The following NUP98 variants were observed in gnomAD, a reference collection of about 807,000 sequenced individuals.
The protein encoded by NUP98 is nuclear pore complex protein Nup98-Nup96.
NUP98 carries 26 observed loss-of-function variants against 191.9 expected under a neutral mutation model. That is an observed-to-expected ratio of 0.14 (90% confidence interval 0.10 to 0.19). The LOEUF (loss-of-function observed/expected upper bound fraction) is 0.19. Ranked by LOEUF, NUP98 falls within the 10% of genes least tolerant of loss-of-function variation. NUP98 has a pLI of 1.00. For synonymous variants in NUP98, 808 were observed against 778.4 expected (o/e 1.04, Z -0.63); for missense variants, 1,941 against 2,178.8 (o/e 0.89, Z 2.17).
At chr11:3,714,030 AG>A (rs2079099053) in intron 18 of NUP98, 35 bp from the exon 19 acceptor site, 2 of 1,602,072 alleles carry the variant, frequency 1.2e-6, no homozygotes, top group African/African-American at 1.3e-5. Context: ...AACCAATTAA[AG>A]TAAAAGCGCT....
chr11:3,760,124 A>AC (rs796785416), intron 10 of NUP98: 15 of 177,088 alleles, frequency 8.5e-5, no homozygotes, highest in African/African-American at 1.9e-4. Flanking sequence ...AAAAAAAAAA[A>AC]AAAAACAAAA....
At chr11:3,792,178 C>CAAAAAAAA (rs61471948) in intron 1 of NUP98, among the ~76,000 whole-genome samples, 7 of 58,852 alleles carry the variant, frequency 1.2e-4, no homozygotes, top group Non-Finnish European at 1.5e-4. Flanking sequence ...AACTCCATCT[C>CAAAAAAAA]AAAAAAAAAA....
Position 3,797,552 on chromosome 11 carries a change from T to G in NUP98, c.-181A>C. 2 of 482,766 alleles carry G rather than the reference T, an allele frequency of 4.1e-6. No homozygotes were observed. Among genetic ancestry groups the G allele is most frequent in the Non-Finnish European group, 7.3e-6 (2 of 275,710 alleles). The allele number at this position is 482,766 out of a possible 1,614,324, so 29.9% of individuals were successfully genotyped here. Reference sequence around the variant, plus strand: ...GGGCGCAGCGCGCAGAGGGCCCGACTGCGTCACACGCCGCCCGGCGTCAGA... The same window carrying G: ...GGGCGCAGCGCGCAGAGGGCCCGACGGCGTCACACGCCGCCCGGCGTCAGA... On this transcript the variant is annotated 5_prime_UTR_variant, in exon 1 of 33. Coordinates refer to ENST00000324932, the MANE Select transcript of NUP98 (RefSeq NM_016320.5).
intron 31 of NUP98, chr11:3,676,848 G>A: frequency 1.6e-6 from 1 of 628,550 alleles, no homozygotes; most frequent in Non-Finnish European, 2.9e-6. Context: ...ACTAGGAAAA[G>A]TCTTGAGATC....
chr11:3,718,900 A>C (rs577465913), intron 18 of NUP98, among the ~76,000 whole-genome samples: 1 of 152,160 alleles, frequency 6.6e-6, no homozygotes, highest in South Asian at 2.1e-4. Context: ...TGGGAGGATC[A>C]CTTGAAATCA....
chr11:3,723,098 C>A, intron 16 of NUP98, 59 bp downstream of exon 16: 1 of 1,513,280 alleles, frequency 6.6e-7, no homozygotes, highest in Non-Finnish European at 9.1e-7. Context: ...ATATCTGCAA[C>A]AAGCAAGTCA....
At chr11:3,682,337 T>C (rs1035416632) in intron 30 of NUP98, among the ~76,000 whole-genome samples, 6 of 152,256 alleles carry the variant, frequency 3.9e-5, no homozygotes, top group African/African-American at 1.4e-4. Flanking sequence ...AAGAGGCTTA[T>C]CTTTTGTCCT....
intron 4 of NUP98, among the ~76,000 whole-genome samples, chr11:3,777,475 G>A (rs2081775405): frequency 6.6e-6 from 1 of 151,902 alleles, no homozygotes; most frequent in African/African-American, 2.4e-5. Flanking sequence ...ACAAAAATTA[G>A]CCAGGCGTGA....
chr11:3,693,561 A>C (rs1010971707), intron 26 of NUP98, among the ~76,000 whole-genome samples, 186 bp from the exon 27 acceptor site: 1 of 152,212 alleles, frequency 6.6e-6, no homozygotes, highest in Non-Finnish European at 1.5e-5. Flanking sequence ...TTTATTGACC[A>C]ACTGATTGAT....
chr11:3,691,755 T>C (rs1376337409), intron 27 of NUP98, among the ~76,000 whole-genome samples: 1 of 152,194 alleles, frequency 6.6e-6, no homozygotes, highest in African/African-American at 2.4e-5. Flanking sequence ...TGTTTTGCCA[T>C]GTTGGCCAGG....
intron 7 of NUP98, among the ~76,000 whole-genome samples, 191 bp downstream of exon 7, chr11:3,771,557 T>C (rs1236018094): frequency 6.6e-6 from 1 of 152,198 alleles, no homozygotes; most frequent in Non-Finnish European, 1.5e-5. Context: ...CTCTGAAGCA[T>C]TCCTTAGTCG....
intron 1 of NUP98, among the ~76,000 whole-genome samples, chr11:3,788,499 G>C (rs904902222): frequency 1.3e-5 from 2 of 152,146 alleles, no homozygotes; most frequent in African/African-American, 4.8e-5. Flanking sequence ...GCTGAGGCAG[G>C]AGAACTGCTT....
chr11:3,734,132 T>C (rs1193798396), intron 13 of NUP98, among the ~76,000 whole-genome samples: 1 of 151,956 alleles, frequency 6.6e-6, no homozygotes, highest in African/African-American at 2.4e-5. Context: ...GCCTCCCAGG[T>C]ACAAGCAATT....
intron 20 of NUP98, chr11:3,711,803 G>A (rs991690713): frequency 1.2e-4 from 117 of 999,060 alleles, no homozygotes; most frequent in Middle Eastern, 4.7e-4. Context: ...CCCTGTACGC[G>A]CAAACATGTA....
At chr11:3,783,020 G>GT (rs1375642719) in intron 1 of NUP98, among the ~76,000 whole-genome samples, 1 of 152,106 alleles carries the variant, frequency 6.6e-6, no homozygotes, top group Non-Finnish European at 1.5e-5. Flanking sequence ...TTGAGATTAC[G>GT]TTTTAAGACT....
At chr11:3,714,443 A>C (rs576218133) in intron 18 of NUP98, among the ~76,000 whole-genome samples, 2 of 152,340 alleles carry the variant, frequency 1.3e-5, no homozygotes, top group East Asian at 3.9e-4. Flanking sequence ...TGACTACAAG[A>C]GTGGTGGTGT....
intron 1 of NUP98, among the ~76,000 whole-genome samples, chr11:3,791,533 CAAAAA>C (rs71041395): frequency 3.1e-4 from 21 of 67,204 alleles, no homozygotes; most frequent in East Asian, 1.2e-3. Flanking sequence ...GACCTCGTCT[CAAAAA>C]AAAAAAAAAA....
At chr11:3,683,508 T>TAA in intron 29 of NUP98, 67 bp from the exon 30 acceptor site, 8 of 1,570,184 alleles carry the variant, frequency 5.1e-6, no homozygotes, top group Non-Finnish European at 6.9e-6. Context: ...CCAGGCAGCT[T>TAA]AGAGTGGCCC....
At chr11:3,688,822 T>C (rs1249174322) in intron 28 of NUP98, among the ~76,000 whole-genome samples, 1 of 40,330 alleles carries the variant, frequency 2.5e-5, no homozygotes, top group African/African-American at 6.4e-5. Context: ...TAAATATACA[T>C]ATATATATAT....
Sources: allele counts gnomAD v4.1 joint callset (sites outside exome capture counted in the v4.1 genomes callset), GRCh38; gene constraint gnomAD v4.1.1; transcripts MANE v1.5; gene names NCBI Gene and HGNC (gene_info 2026-07-23, HGNC 2026-07-21).